CNTNAP5: variants seen among roughly 807,000 people sequenced by gnomAD.
CNTNAP5 encodes contactin associated protein family member 5.
CNTNAP5 carries 72 observed loss-of-function variants against 150.2 expected under a neutral mutation model. The ratio of observed to expected loss-of-function variants is 0.48; its 90% confidence interval spans 0.40 to 0.58. The LOEUF (loss-of-function observed/expected upper bound fraction) is 0.58, where lower values mean the gene tolerates loss of function less well. Among genes scored for constraint, CNTNAP5 ranks in the 20% least tolerant of loss-of-function variants. The pLI is 0.00. For synonymous variants in CNTNAP5, 672 were observed against 619.8 expected (o/e 1.08, Z -1.25); for missense variants, 1,636 against 1,626.2 (o/e 1.01, Z -0.10).
chr2:124,447,073 A>G (rs1574000451), intron 6 of CNTNAP5, 136 bp downstream of exon 6: 3 of 780,806 alleles, frequency 3.8e-6, no homozygotes, highest in Non-Finnish European at 2.0e-6. Context: ...TCCTCCATCT[A>G]TGCCAGATAG....
chr2:124,657,046 A>C (rs889108536), intron 13 of CNTNAP5, among the ~76,000 whole-genome samples: 7 of 152,170 alleles, frequency 4.6e-5, no homozygotes, highest in African/African-American at 1.7e-4. Context: ...CTGTTATTTT[A>C]GCCAGTATTT....
chr2:124,398,580 T>G (rs780548912), intron 3 of CNTNAP5, among the ~76,000 whole-genome samples: 13 of 152,116 alleles, frequency 8.5e-5, no homozygotes, highest in Non-Finnish European at 1.9e-4. Flanking sequence ...CACCACAACC[T>G]CTGCCTCCCA....
chr2:124,754,001 T>G (rs1349099607), intron 14 of CNTNAP5, among the ~76,000 whole-genome samples: 1 of 152,162 alleles, frequency 6.6e-6, no homozygotes, highest in Admixed American at 6.6e-5. Flanking sequence ...GGGCCCTGCA[T>G]TCCCTTCCCA....
chr2:124,116,749 T>C (rs1424861802), intron 1 of CNTNAP5, among the ~76,000 whole-genome samples: 1 of 152,212 alleles, frequency 6.6e-6, no homozygotes. Context: ...TCTGTTAAGA[T>C]TGCATTAAAG....
In CNTNAP5 at chr2:124,778,456, A is replaced by G. The variant is rs1457737024; in HGVS notation, c.2752+5439A>G. The G allele has an allele frequency of 1.3e-5, 2 of 152,698 alleles. 1 individual carries two copies. Among genetic ancestry groups the G allele is most frequent in the South Asian group, 4.1e-4 (2 of 4,832 alleles). The allele number at this position is 152,698 out of a possible 1,614,324, so 9.5% of individuals were successfully genotyped here. A position where few individuals can be genotyped will look rare whatever the true frequency, so the allele number is the denominator to read the frequency against. Reference sequence around the variant, plus strand: ...TGGTGTCTCAGCCAAAGCTTCGTCTACCTTTTCCATGCACAGTGTGTCATC... The same window carrying G: ...TGGTGTCTCAGCCAAAGCTTCGTCTGCCTTTTCCATGCACAGTGTGTCATC... On this transcript the variant is annotated intron_variant, in intron 17 of 23. Transcript: ENST00000682447.
Position 124,791,685 on chromosome 2 carries a change from C to G in CNTNAP5, c.2992+1544C>G, listed in dbSNP as rs1046940164. 3.4e-5 allele frequency among the ~76,000 whole-genome samples: 5 copies of G among 149,166 alleles called. 1 individual carries two copies. The South Asian group carries it at 6.3e-4, about 19-fold the overall frequency. ...GTAGATCATATTGTTCTAAATGTAG[C>G]CTAATTTCTTTTTTTTTTTTTTTTT... On this transcript the variant is annotated intron_variant, in intron 18 of 23. Coordinates refer to ENST00000682447, the MANE Select transcript of CNTNAP5 (RefSeq NM_001367498.1).
chr2:124,291,158 G>A (rs780017), intron 3 of CNTNAP5, among the ~76,000 whole-genome samples: 149,473 of 152,192 alleles, frequency 0.98, 73,455 homozygotes, highest in East Asian at 1. Flanking sequence ...TTTGATTTGC[G>A]TATATAGTCA....
intron 10 of CNTNAP5, among the ~76,000 whole-genome samples, chr2:124,553,156 A>G (rs768711739): frequency 6.6e-6 from 1 of 152,184 alleles, no homozygotes; most frequent in Admixed American, 6.5e-5. Flanking sequence ...ATGAGCAGAA[A>G]GTATTATAAC....
At chr2:124,742,018 G>A (rs1680507089) in intron 13 of CNTNAP5, among the ~76,000 whole-genome samples, 1 of 152,088 alleles carries the variant, frequency 6.6e-6, no homozygotes, top group African/African-American at 2.4e-5. Context: ...CCTGCAGCTG[G>A]CAATCTAAAT....
At chr2:124,768,274 TGTGTGTGTG>T (rs1681110702) in intron 16 of CNTNAP5, among the ~76,000 whole-genome samples, 5 of 21,180 alleles carry the variant, frequency 2.4e-4, no homozygotes, top group Admixed American at 6.1e-4. Context: ...TGTATGTATG[TGTGTGTGTG>T]TGTGTGTGTG....
chr2:124,394,453 A>G (rs889947620), intron 3 of CNTNAP5, among the ~76,000 whole-genome samples: 1 of 152,152 alleles, frequency 6.6e-6, no homozygotes, highest in African/African-American at 2.4e-5. Context: ...GAGGAGAGAC[A>G]GGAATGAATG....
intron 3 of CNTNAP5, among the ~76,000 whole-genome samples, chr2:124,286,290 G>A (rs976298935): frequency 2.0e-5 from 3 of 152,252 alleles, no homozygotes; most frequent in Non-Finnish European, 2.9e-5. Context: ...ATGCCTTCTC[G>A]GCGACGGCCT....
chr2:124,259,485 G>A (rs1371291876), intron 3 of CNTNAP5, among the ~76,000 whole-genome samples: 3 of 152,122 alleles, frequency 2.0e-5, no homozygotes, highest in South Asian at 2.1e-4. Context: ...CAGTGTAAAA[G>A]TGTTCCTATT....
chr2:124,895,471 TA>T (rs1366701708), intron 21 of CNTNAP5, among the ~76,000 whole-genome samples: 1 of 151,316 alleles, frequency 6.6e-6, no homozygotes, highest in Non-Finnish European at 1.5e-5. Flanking sequence ...CAACAAATTT[TA>T]AAAAGTAACC....
At chr2:124,520,742 C>T (rs1204752334) in intron 8 of CNTNAP5, among the ~76,000 whole-genome samples, 1 of 152,134 alleles carries the variant, frequency 6.6e-6, no homozygotes, top group Non-Finnish European at 1.5e-5. Context: ...CCCATCAAGA[C>T]ATTCTCGGCC....
chr2:124,090,447 A>G (rs780206355), intron 1 of CNTNAP5, among the ~76,000 whole-genome samples: 9 of 152,182 alleles, frequency 5.9e-5, no homozygotes, highest in African/African-American at 1.9e-4. Context: ...CTCATTATCT[A>G]TGAGACTCTA....
chr2:124,223,362 C>A (rs1686375748), intron 2 of CNTNAP5, among the ~76,000 whole-genome samples: 1 of 152,142 alleles, frequency 6.6e-6, no homozygotes, highest in South Asian at 2.1e-4. Flanking sequence ...AGTCACTTAC[C>A]TCTGCCAACC....
chr2:124,103,863 A>AAATTTATATAATATAAATAT (rs1553437686), intron 1 of CNTNAP5, among the ~76,000 whole-genome samples: 2 of 147,868 alleles, frequency 1.4e-5, no homozygotes, highest in Non-Finnish European at 3.0e-5. Context: ...ATATATAAAT[A>AAATTTATATAATATAAATAT]AATTTATATA....
At chr2:124,763,919 G>T in intron 15 of CNTNAP5, 58 bp from the exon 16 acceptor site, 1 of 1,597,730 alleles carries the variant, frequency 6.3e-7, no homozygotes, top group Non-Finnish European at 8.6e-7. Flanking sequence ...CATGTCCAGT[G>T]CTTTCCCATA....
Sources: allele counts gnomAD v4.1 joint callset (sites outside exome capture counted in the v4.1 genomes callset), GRCh38; gene constraint gnomAD v4.1.1; transcripts MANE v1.5; gene names NCBI Gene and HGNC (gene_info 2026-07-23, HGNC 2026-07-21).